PSPC1: variants seen among roughly 807,000 people sequenced by gnomAD.
The protein encoded by PSPC1 is paraspeckle component 1.
Under a neutral mutation model 51.6 loss-of-function variants are expected in PSPC1, and 14 were observed. The ratio of observed to expected loss-of-function variants is 0.27; its 90% CI spans 0.18 to 0.42. The LOEUF (loss-of-function observed/expected upper bound fraction) is 0.42. Among genes scored for constraint, PSPC1 ranks in the 10% least tolerant of loss-of-function variants. The pLI is 1.00. For synonymous variants in PSPC1, 193 were observed against 231.9 expected, an observed-to-expected ratio of 0.83 and a Z score of 1.53; for missense variants, 406 against 701.1, an observed-to-expected ratio of 0.58 and a Z score of 4.75.
intron 6 of PSPC1, among the ~76,000 whole-genome samples, chr13:19,712,411 T>C (rs1299567303): frequency 3.3e-5 from 5 of 152,206 alleles, no homozygotes; most frequent in Non-Finnish European, 4.4e-5. Context: ...TTATTGTCTC[T>C]TTGTATTTTC....
At chr13:19,715,857 C>T (rs1882027148) in intron 6 of PSPC1, among the ~76,000 whole-genome samples, 1 of 151,704 alleles carries the variant, frequency 6.6e-6, no homozygotes. Context: ...ACTAAAAATA[C>T]AAAAAAATTA....
downstream of PSPC1, chr13:19,672,084 AT>A (rs1876162797): frequency 1.8e-6 from 1 of 564,634 alleles, no homozygotes; most frequent in Non-Finnish European, 3.2e-6. Context: ...CAGACTGCGT[AT>A]TTCAGTTTTT....
At chr13:19,722,577 T>C (rs2137864695) in intron 6 of PSPC1, among the ~76,000 whole-genome samples, 1 of 152,264 alleles carries the variant, frequency 6.6e-6, no homozygotes, top group East Asian at 1.9e-4. Flanking sequence ...GTGGATCACC[T>C]GAGGACAGGG....
chr13:19,673,220 A>AGAG, downstream of PSPC1: 1 of 429,330 alleles, frequency 2.3e-6, no homozygotes, highest in East Asian at 7.0e-5. Flanking sequence ...CTCTCTGGGA[A>AGAG]GAGTTCCTGC....
chr13:19,689,955 A>G lies in PSPC1; in HGVS notation c.1159-12132T>C, dbSNP rs373909904. ...CCATGATAAAAGAAGCAAGCAACTG[A>G]AAAAAAGGATAGGGCAGAGGGAAAC... is the stretch of plus-strand genomic sequence containing the variant. On this transcript the variant is annotated intron_variant and NMD_transcript_variant, in intron 6 of 7. Coordinates refer to the PSPC1 transcript ENST00000471658. Among the ~76,000 whole-genome samples, 4 of 152,298 alleles carry G rather than the reference A, an allele frequency of 2.6e-5. No homozygotes were observed. The East Asian group carries it at 5.8e-4, about 22-fold the overall frequency.
intron 6 of PSPC1, among the ~76,000 whole-genome samples, chr13:19,719,498 A>C (rs1807905931): frequency 1.3e-5 from 2 of 152,186 alleles, no homozygotes. Context: ...TGCAAGGTTT[A>C]GTCACGAAAC....
intron 2 of PSPC1, 141 bp downstream of exon 2, chr13:19,772,101 T>G (rs992379850): frequency 5.5e-6 from 5 of 912,684 alleles, no homozygotes; most frequent in Non-Finnish European, 8.1e-6. Context: ...ACACGAAAAT[T>G]TCTTATTTAT....
chr13:19,716,627 T>G (rs1882125238), intron 6 of PSPC1, among the ~76,000 whole-genome samples: 1 of 152,162 alleles, frequency 6.6e-6, no homozygotes, highest in African/African-American at 2.4e-5. Flanking sequence ...ACGAAAATGC[T>G]AAAATAATGT....
At chr13:19,704,725 A>G (rs1390329180) in intron 8 of PSPC1, among the ~76,000 whole-genome samples, 1 of 152,170 alleles carries the variant, frequency 6.6e-6, no homozygotes, top group East Asian at 1.9e-4. Context: ...TGCTACTAAT[A>G]TATTTAAATA....
rs186342615 is a variant in PSPC1, at chr13:19,774,978, C to G, written c.373-2435G>C. On this transcript the variant is annotated intron_variant, in intron 1 of 8. Transcript: ENST00000338910. ...ATCCTTGAGGCCAGGAGTTTAAGAC[C>G]AGCCTAGGCAACATAGCAAGACCTC... 3.7e-3 allele frequency among the ~76,000 whole-genome samples: 557 copies of G among 151,856 alleles called. 2 individuals are homozygous for G. Among genetic ancestry groups the G allele is most frequent in the Non-Finnish European group, 6.1e-3 (417 of 67,924 alleles).
chr13:19,702,910 T>C lies in PSPC1; in HGVS notation c.*265A>G. The stretch of plus-strand genomic sequence containing the variant: ...GATTTCTTTATTGAGATTAACTACA[T>C]AGATTTCACAGTACTATGGAATACT... On this transcript the variant is annotated 3_prime_UTR_variant, in exon 9 of 9. Coordinates refer to ENST00000338910, the MANE Select transcript of PSPC1 (RefSeq NM_001354909.2). The C allele has an allele frequency of 3.8e-6, 1 of 262,862 alleles. No homozygotes were observed. Among genetic ancestry groups the C allele is most frequent in the South Asian group, 8.5e-5 (1 of 11,710 alleles). The allele number at this position is 262,862 out of a possible 1,614,324, so 16.3% of individuals were successfully genotyped here.
intron 6 of PSPC1, among the ~76,000 whole-genome samples, chr13:19,724,929 G>T (rs779586559): frequency 6.6e-6 from 1 of 152,154 alleles, no homozygotes; most frequent in African/African-American, 2.4e-5. Flanking sequence ...AACCTGGGAG[G>T]CGGGGGTTGG....
At chr13:19,695,889 T>C (rs767498235) in intron 6 of PSPC1, among the ~76,000 whole-genome samples, 2 of 151,832 alleles carry the variant, frequency 1.3e-5, no homozygotes, top group Non-Finnish European at 1.5e-5. Flanking sequence ...ATCAACATAT[T>C]TTTTTTAGAA....
intron 4 of PSPC1, among the ~76,000 whole-genome samples, chr13:19,746,421 TA>T (rs566396837): frequency 1.4e-5 from 2 of 146,330 alleles, no homozygotes; most frequent in Non-Finnish European, 1.5e-5. Context: ...AAATAAATGT[TA>T]AAAAAAAATA....
intron 4 of PSPC1, among the ~76,000 whole-genome samples, chr13:19,746,709 A>T (rs1025874564): frequency 3.0e-4 from 46 of 151,956 alleles, no homozygotes; most frequent in African/African-American, 1.0e-3. Flanking sequence ...TCAAAAAAAA[A>T]TTTTTTTTTA....
chr13:19,770,326 T>C (rs1757666618), intron 2 of PSPC1, among the ~76,000 whole-genome samples: 2 of 152,234 alleles, frequency 1.3e-5, no homozygotes, highest in South Asian at 4.1e-4. Context: ...TGTATTTTTA[T>C]TATGGCAGTG....
At chr13:19,713,164 C>G (rs963741166) in intron 6 of PSPC1, among the ~76,000 whole-genome samples, 5 of 152,118 alleles carry the variant, frequency 3.3e-5, no homozygotes, top group Admixed American at 6.5e-5. Flanking sequence ...TAAGTTAGAA[C>G]CAGTGCGTAT....
intron 6 of PSPC1, among the ~76,000 whole-genome samples, chr13:19,693,106 G>T (rs1396559983): frequency 1.3e-5 from 2 of 152,104 alleles, no homozygotes; most frequent in African/African-American, 4.8e-5. Context: ...ACCAGTCTTA[G>T]CGTCCTCCCC....
rs544419261 is a variant in PSPC1, at chr13:19,755,390, C to T, written c.771-3923G>A. Among the ~76,000 whole-genome samples, 8 of 152,124 alleles carry T rather than the reference C, an allele frequency of 5.3e-5. No individual in the cohort carries two copies. The South Asian group carries it at 1.7e-3, about 32-fold the overall frequency. On this transcript the variant is annotated intron_variant, in intron 3 of 8. Transcript: ENST00000338910. ...AGATCACAAGGTCGGGAGTTCGAGA[C>T]CAACCTGGCCAACATAGTGAAACTC...
Sources: allele counts gnomAD v4.1 joint callset (sites outside exome capture counted in the v4.1 genomes callset), GRCh38; gene constraint gnomAD v4.1.1; transcripts MANE v1.5; gene names NCBI Gene and HGNC (gene_info 2026-07-23, HGNC 2026-07-21).